Variants in HDX observed in about 807,000 individuals in gnomAD.
The protein encoded by HDX is chromosome X open reading frame 43.
A neutral mutation model predicts 45.2 loss-of-function variants in HDX; 19 were observed. That is an observed-to-expected ratio of 0.42 (90% CI 0.29 to 0.62). The LOEUF (loss-of-function observed/expected upper bound fraction) is 0.62, where lower values mean the gene tolerates loss of function less well. Among genes scored for constraint, HDX ranks in the 20% least tolerant of loss-of-function variants. The probability of loss-of-function intolerance (pLI) is 0.20; values close to 1 mark genes in which losing one functional copy is unlikely to be tolerated. For missense variants in HDX, 532 were observed against 493.9 expected (o/e 1.08, Z -0.73); for synonymous variants, 188 against 172.8 (o/e 1.09, Z -0.69).
intron 2 of HDX, among the ~76,000 whole-genome samples, chrX:84,475,624 A>G (rs2040533259): frequency 8.9e-6 from 1 of 112,208 alleles, no homozygotes; most frequent in African/African-American, 3.2e-5. Context: ...TAATGTACCA[A>G]CTTTAAAGAA....
intron 7 of HDX, among the ~76,000 whole-genome samples, chrX:84,337,459 G>T (rs2036991378): frequency 9.1e-6 from 1 of 110,445 alleles, no homozygotes; most frequent in Non-Finnish European, 1.9e-5. Flanking sequence ...TTTTCTTTTT[G>T]CTTATTTGTG....
chrX:84,389,278 G>T (rs931104718), intron 5 of HDX, among the ~76,000 whole-genome samples: 2 of 111,699 alleles, frequency 1.8e-5, no homozygotes, highest in South Asian at 7.5e-4. Context: ...CCACTGCCAC[G>T]CCTGGCTTTC....
intron 5 of HDX, among the ~76,000 whole-genome samples, chrX:84,406,274 C>T (rs1349136153): frequency 9.0e-6 from 1 of 110,573 alleles, no homozygotes; most frequent in Non-Finnish European, 1.9e-5. Context: ...AATTTTAAAT[C>T]CTGTGAAAAT....
chrX:84,336,299 T>C lies in HDX; in HGVS notation c.1740+502A>G, dbSNP rs182722563. ...TGTCTTTCTTTCTATATTGTGATTT[T>C]TAAGATGAGTAACCAGAGTACAATT... On this transcript the variant is annotated intron_variant, in intron 8 of 10. Coordinates refer to ENST00000373177, the MANE Select transcript of HDX (RefSeq NM_001177479.2). Among the ~76,000 whole-genome samples the C allele has an allele frequency of 1.3e-4, 15 of 111,227 alleles. No individual in the cohort carries two copies. In the East Asian group the frequency reaches 4.0e-3, roughly 30 times the overall value.
chrX:84,368,772 T>A (rs1479896730), intron 5 of HDX, among the ~76,000 whole-genome samples: 1 of 111,512 alleles, frequency 9.0e-6, no homozygotes, highest in Non-Finnish European at 1.9e-5. Flanking sequence ...ACCAGTTTCA[T>A]GGAAGACAAT....
chrX:84,438,595 T>A (rs2148055601), intron 5 of HDX, among the ~76,000 whole-genome samples: 1 of 108,147 alleles, frequency 9.2e-6, no homozygotes, highest in African/African-American at 3.4e-5. Flanking sequence ...ATCTTTGTGA[T>A]CATGTGTATT....
Position 84,469,293 on chromosome X carries a change from T to C in HDX, c.430A>G (p.Lys144Glu). Residue 144 changes from lysine to glutamate, a missense_variant, in exon 4 of 11, where the codon AAA becomes GAA. Around this residue, in one of 3 missense-constraint regions of HDX, gnomAD observed 376 missense variants for 343.7 expected, o/e 1.09. Transcript: ENST00000373177. ...HKIPIQKTAT[K>E]NDTEFQLHIP... The stretch of plus-strand genomic sequence containing the variant: ...TGTAACTGAAACTCAGTATCATTTT[T>C]AGTGGCTGTTTTCTGAATAGGGATT... 1.7e-6 allele frequency: 2 copies of C among 1,211,005 alleles called. No individual in the cohort carries two copies. Among genetic ancestry groups the C allele is most frequent in the Non-Finnish European group, 2.2e-6 (2 of 894,744 alleles).
intron 6 of HDX, among the ~76,000 whole-genome samples, chrX:84,346,352 C>T (rs887352180): frequency 1.6e-4 from 18 of 110,963 alleles, no homozygotes; most frequent in African/African-American, 5.6e-4. Flanking sequence ...CAAATTCCAG[C>T]AAGATTTTTG....
intron 5 of HDX, among the ~76,000 whole-genome samples, chrX:84,413,980 T>C (rs1163244214): frequency 8.9e-5 from 10 of 111,751 alleles, no homozygotes; most frequent in African/African-American, 3.3e-4. Context: ...AGGGTATAGA[T>C]AGAACTGACA....
chrX:84,500,549 G>A lies in HDX; in HGVS notation c.-110+1793C>T, dbSNP rs778403807. 4.5e-5 allele frequency among the ~76,000 whole-genome samples: 5 copies of A among 110,545 alleles called. No homozygotes were observed. In the East Asian group the frequency reaches 1.1e-3, roughly 25 times the overall value. ...GCAACTAACAAAGACAATAATTGAC[G>A]TGGGAATTCTAGGAAAAGTGAGGTC... On this transcript the variant is annotated intron_variant, in intron 1 of 10. Transcript: ENST00000373177.
intron 5 of HDX, among the ~76,000 whole-genome samples, chrX:84,408,073 T>C (rs1253355119): frequency 8.9e-6 from 1 of 111,858 alleles, no homozygotes; most frequent in East Asian, 2.8e-4. Context: ...AATTTTTTGT[T>C]TTTGTTACTA....
At chrX:84,482,708 T>C (rs766449742) in intron 2 of HDX, among the ~76,000 whole-genome samples, 30 of 110,992 alleles carry the variant, frequency 2.7e-4, no homozygotes, top group Admixed American at 1.9e-3. Context: ...CCAAATCTCA[T>C]GTCCTCACAT....
intron 3 of HDX, among the ~76,000 whole-genome samples, chrX:84,471,183 T>A (rs973052105): frequency 4.5e-5 from 5 of 109,899 alleles, no homozygotes; most frequent in South Asian, 7.8e-4. Context: ...TATACATTAG[T>A]GTTGCTGTAC....
At chrX:84,436,985 G>A (rs888397752) in intron 5 of HDX, among the ~76,000 whole-genome samples, 3 of 110,433 alleles carry the variant, frequency 2.7e-5, no homozygotes, top group African/African-American at 9.9e-5. Context: ...TGTCCTTTTG[G>A]ATCTAGTAAT....
chrX:84,392,977 GTTTA>G (rs200561232), intron 5 of HDX, among the ~76,000 whole-genome samples: 27,135 of 109,255 alleles, frequency 0.25, 2,622 homozygotes, highest in Non-Finnish European at 0.3. Context: ...TTTGGTTGCT[GTTTA>G]TTTATTTCTC....
intron 5 of HDX, among the ~76,000 whole-genome samples, chrX:84,413,062 C>T (rs1202789509): frequency 1.8e-5 from 2 of 111,457 alleles, no homozygotes; most frequent in African/African-American, 6.5e-5. Flanking sequence ...TTTATAGTAT[C>T]CCTTAAATTC....
chrX:84,443,253 T>C (rs192371132), intron 4 of HDX, among the ~76,000 whole-genome samples: 1 of 111,434 alleles, frequency 9.0e-6, no homozygotes, highest in Non-Finnish European at 1.9e-5. Flanking sequence ...TTTCCTCAAA[T>C]TTGGGAAGCT....
At chrX:84,483,062 A>G (rs1190452018) in intron 2 of HDX, among the ~76,000 whole-genome samples, 1 of 112,047 alleles carries the variant, frequency 8.9e-6, no homozygotes, top group Non-Finnish European at 1.9e-5. Flanking sequence ...AGGAGTGGGC[A>G]TCAAAGGGCT....
At chrX:84,413,988 A>G (rs1470384042) in intron 5 of HDX, among the ~76,000 whole-genome samples, 1 of 111,943 alleles carries the variant, frequency 8.9e-6, no homozygotes, top group South Asian at 3.7e-4. Flanking sequence ...GATAGAACTG[A>G]CAGAAAATTA....
Sources: allele counts gnomAD v4.1 joint callset (sites outside exome capture counted in the v4.1 genomes callset), GRCh38; gene constraint gnomAD v4.1.1; regional missense constraint gnomAD v4.1.1; transcripts MANE v1.5; gene names NCBI Gene and HGNC (gene_info 2026-07-23, HGNC 2026-07-21).